HTT: variants seen among roughly 807,000 people sequenced by gnomAD.
The protein encoded by HTT is huntington disease protein.
A neutral mutation model predicts 362.3 loss-of-function variants in HTT; 104 were observed. The observed-to-expected ratio is 0.29, with a 90% confidence interval of 0.24 to 0.34. The LOEUF (loss-of-function observed/expected upper bound fraction) is 0.34. HTT is among the 10% of genes least tolerant of loss of function. The pLI is 1.00. For missense variants in HTT, 3,301 were observed against 3,928.6 expected (o/e 0.84, Z 4.27); for synonymous variants, 1,577 against 1,548.7 (o/e 1.02, Z -0.43).
chr4:3,142,052 T>C (rs1303340843), intron 22 of HTT, among the ~76,000 whole-genome samples: 4 of 152,240 alleles, frequency 2.6e-5, no homozygotes, highest in Non-Finnish European at 5.9e-5. Flanking sequence ...TACTAACTAC[T>C]ACTTGGAAAA....
At chr4:3,103,511 C>T (rs896190082) in intron 3 of HTT, among the ~76,000 whole-genome samples, 9 of 152,108 alleles carry the variant, frequency 5.9e-5, no homozygotes, top group Admixed American at 1.3e-4. Context: ...CAGGCATGAG[C>T]CACCCCACCT....
chr4:3,211,412 C>T (rs1248320610), intron 47 of HTT, among the ~76,000 whole-genome samples: 2 of 152,148 alleles, frequency 1.3e-5, no homozygotes, highest in African/African-American at 2.4e-5. Flanking sequence ...CCTGAAGGAT[C>T]GGCCACCAAT....
At chr4:3,190,056 A>G (rs1245567799) in intron 40 of HTT, among the ~76,000 whole-genome samples, 1 of 152,116 alleles carries the variant, frequency 6.6e-6, no homozygotes, top group Non-Finnish European at 1.5e-5. Flanking sequence ...AAAAATGGTT[A>G]AGATGGGCCA....
intron 34 of HTT, among the ~76,000 whole-genome samples, chr4:3,177,921 G>T (rs1376438419): frequency 6.6e-6 from 1 of 152,208 alleles, no homozygotes; most frequent in African/African-American, 2.4e-5. Flanking sequence ...ATTCCCTGGG[G>T]TCTGGAAACA....
chr4:3,119,906 T>C (rs571678072), intron 8 of HTT, among the ~76,000 whole-genome samples: 2 of 152,298 alleles, frequency 1.3e-5, no homozygotes, highest in East Asian at 3.9e-4. Flanking sequence ...ATTTTCAGTC[T>C]TGCAGGCCAT....
rs1427579228 is a variant in HTT, at chr4:3,204,019, G to C, written c.5589G>C (p.Leu1863=). 6.2e-7 allele frequency: 1 copy of C among 1,614,176 alleles called. No individual in the cohort carries two copies. Among genetic ancestry groups the C allele is most frequent in the Non-Finnish European group, 8.5e-7 (1 of 1,180,010 alleles). Residue 1863 remains leucine, a synonymous_variant, in exon 42 of 67, where the codon CTG becomes CTC. Coordinates refer to ENST00000355072, the MANE Select transcript of HTT (RefSeq NM_001388492.1). ...TTGCTCCTTCTAGAAGACACAGTCT[G>C]TCCAGCACAAAGTTACTTAGTCCCC... The part of the protein sequence containing the change: ...EVQQTPKRHS[L]SSTKLLSPQM...
intron 60 of HTT, among the ~76,000 whole-genome samples, chr4:3,232,395 G>C (rs1271905183): frequency 6.6e-6 from 1 of 152,226 alleles, no homozygotes; most frequent in Non-Finnish European, 1.5e-5. Context: ...TGGGCTGAAG[G>C]AGGGTGACAT....
At chr4:3,235,918 G>T (rs926210550) in intron 63 of HTT, 140 bp downstream of exon 63, 13 of 749,092 alleles carry the variant, frequency 1.7e-5, no homozygotes, top group Non-Finnish European at 2.9e-5. Context: ...CCATCACCTT[G>T]CAAGAAAGGC....
In HTT at chr4:3,209,934, C is replaced by A. The variant is rs954705932; in HGVS notation, c.6399C>A (p.Ala2133=). ...VNRIPAEDMN[A]FMMNSEFNLS... ...GGATTCCTGCTGAAGATATGAATGC[C>A]TTCATGATGAACTCGGTACGGGGGG... is the stretch of plus-strand genomic sequence containing the variant. Residue 2133 remains alanine (A), a synonymous_variant, in exon 47 of 67, where the codon GCC becomes GCA. Transcript: ENST00000355072. 3.1e-6 allele frequency: 5 copies of A among 1,613,898 alleles called. No homozygotes were observed. The African/African-American group carries it at 6.7e-5, about 22-fold the overall frequency.
At position 3,163,371 on chromosome 4, in the gene HTT, A is replaced by G. The variant is rs145847850; in HGVS notation, c.3864+2979A>G. On this transcript the variant is annotated intron_variant, in intron 29 of 66. Transcript: ENST00000355072. Reference sequence around the variant, plus strand: ...TTTCACATCGATGTTCATCAGGGATATTGGCCTAAAATTCTCTTTTTTTGT... The same window carrying G: ...TTTCACATCGATGTTCATCAGGGATGTTGGCCTAAAATTCTCTTTTTTTGT... Among the ~76,000 whole-genome samples, 483 of 152,318 alleles carry G rather than the reference A, an allele frequency of 3.2e-3. 4 individuals carry two copies. The highest frequency in any genetic ancestry group is 0.011 in the African/African-American group (470 of 41,572).
chr4:3,194,159 C>T (rs936723169), intron 40 of HTT, among the ~76,000 whole-genome samples: 4 of 152,116 alleles, frequency 2.6e-5, no homozygotes, highest in Admixed American at 6.6e-5. Context: ...ACCCATAAAC[C>T]GAAAATGAAG....
At chr4:3,183,967 C>T (rs143743331) in intron 37 of HTT, among the ~76,000 whole-genome samples, 53 of 152,224 alleles carry the variant, frequency 3.5e-4, no homozygotes, top group Non-Finnish European at 6.2e-4. Flanking sequence ...AGAAAGACCC[C>T]CTGCCTTCTT....
chr4:3,212,290 C>T lies in HTT; in HGVS notation c.6628+148C>T, dbSNP rs185746215. 1.6e-3 allele frequency: 1,172 copies of T among 732,238 alleles called. 6 individuals are homozygous for T. The highest frequency in any genetic ancestry group is 4.7e-3 in the Middle Eastern group (12 of 2,580). 45.4% of individuals were successfully genotyped at this position (732,238 alleles called of 1,614,324 possible). ...AGCTAAAGAGCAGCACGGGTGTCCT[C>T]GGCTCAGAATTTCTTCCTGTGTGTT... On this transcript the variant is annotated intron_variant, in intron 48 of 66. Coordinates refer to ENST00000355072, the MANE Select transcript of HTT (RefSeq NM_001388492.1).
intron 39 of HTT, chr4:3,188,127 T>TC: frequency 2.5e-6 from 1 of 401,214 alleles, no homozygotes; most frequent in Non-Finnish European, 4.5e-6. Context: ...CAGCAGTGGC[T>TC]CGCCTCAGGC....
chr4:3,123,232 T>G, intron 10 of HTT: 1 of 277,062 alleles, frequency 3.6e-6, no homozygotes, highest in South Asian at 1.3e-4. Context: ...AGGGACAGAG[T>G]GTAAACATCT....
At chr4:3,121,004 G>A (rs1366436513) in intron 8 of HTT, among the ~76,000 whole-genome samples, 1 of 152,102 alleles carries the variant, frequency 6.6e-6, no homozygotes, top group African/African-American at 2.4e-5. Context: ...TAGTGCAAGT[G>A]CTCCATTTAT....
intron 53 of HTT, among the ~76,000 whole-genome samples, chr4:3,220,626 T>C: frequency 6.6e-6 from 1 of 152,156 alleles, no homozygotes; most frequent in Non-Finnish European, 1.5e-5. Context: ...GGCTAAACAG[T>C]GGCAGCACTT....
intron 3 of HTT, among the ~76,000 whole-genome samples, chr4:3,102,624 C>T (rs16843803): frequency 0.057 from 8,720 of 152,212 alleles, 316 homozygotes; most frequent in African/African-American, 0.1. Context: ...ACAAGTTTTA[C>T]GAAGACCATC....
rs371048216 is a variant in HTT, at chr4:3,144,382, AT to A, written c.3067-769del. On this transcript the variant is annotated intron_variant, in intron 23 of 66. Coordinates refer to ENST00000355072, the MANE Select transcript of HTT (RefSeq NM_001388492.1). Reference sequence around the variant, plus strand: ...GCCCAGGCTAGAGCACAGTGGCATGATCTTGGCTCACTGCAGCCTCCGCTTC... The same window carrying A: ...GCCCAGGCTAGAGCACAGTGGCATGACTTGGCTCACTGCAGCCTCCGCTTC... Among the ~76,000 whole-genome samples the A allele has an allele frequency of 3.9e-3, 601 of 152,262 alleles. 8 individuals are homozygous for A. Among genetic ancestry groups the A allele is most frequent in the African/African-American group, 0.014 (563 of 41,558 alleles).
Sources: allele counts gnomAD v4.1 joint callset (sites outside exome capture counted in the v4.1 genomes callset), GRCh38; gene constraint gnomAD v4.1.1; transcripts MANE v1.5; gene names NCBI Gene and HGNC (gene_info 2026-07-23, HGNC 2026-07-21).